GMDS: variants seen among roughly 807,000 people sequenced by gnomAD.
GMDS encodes GDP-mannose 4,6-dehydratase.
Under a neutral mutation model 49.9 loss-of-function variants are expected in GMDS, and 20 were observed. The observed-to-expected ratio is 0.40, with a 90% CI of 0.28 to 0.58. The LOEUF is 0.58. Among genes scored for constraint, GMDS ranks in the 20% least tolerant of loss-of-function variants. The pLI, the probability that GMDS is intolerant of heterozygous loss-of-function variation, is 0.42. For missense variants in GMDS, 362 were observed against 481.4 expected (o/e 0.75, Z 2.32); for synonymous variants, 177 against 178.6 (o/e 0.99, Z 0.07).
intron 6 of GMDS, among the ~76,000 whole-genome samples, chr6:1,954,182 A>G (rs879505608): frequency 2.0e-4 from 31 of 152,252 alleles, no homozygotes; most frequent in Non-Finnish European, 3.7e-4. Flanking sequence ...AACAATACAA[A>G]AGGAAAAAGC....
chr6:1,642,787 G>A (rs1308662177), intron 9 of GMDS, among the ~76,000 whole-genome samples: 1 of 152,192 alleles, frequency 6.6e-6, no homozygotes, highest in African/African-American at 2.4e-5. Context: ...AGGCAAGCTG[G>A]GCCTGGACGG....
chr6:1,897,357 T>C (rs545446915), intron 7 of GMDS, among the ~76,000 whole-genome samples: 6 of 152,304 alleles, frequency 3.9e-5, no homozygotes, highest in African/African-American at 1.4e-4. Flanking sequence ...CCAAATACGG[T>C]CACATTCTGA....
chr6:2,014,378 G>A (rs955888204), intron 4 of GMDS, among the ~76,000 whole-genome samples: 3 of 152,000 alleles, frequency 2.0e-5, no homozygotes, highest in African/African-American at 7.2e-5. Context: ...CAACATATGG[G>A]TGATTATAGT....
chr6:1,798,598 T>G (rs935493548), intron 7 of GMDS, among the ~76,000 whole-genome samples: 5 of 152,116 alleles, frequency 3.3e-5, no homozygotes, highest in African/African-American at 1.2e-4. Flanking sequence ...GCTCTGTAAT[T>G]CTGCCTAAAG....
At chr6:1,973,742 A>G (rs1193630357) in intron 4 of GMDS, among the ~76,000 whole-genome samples, 8 of 152,324 alleles carry the variant, frequency 5.3e-5, no homozygotes, top group Middle Eastern at 6.8e-3. Context: ...GTAGGAAGAG[A>G]GCAATAACCT....
At chr6:1,867,227 C>T (rs1758482578) in intron 7 of GMDS, among the ~76,000 whole-genome samples, 1 of 152,118 alleles carries the variant, frequency 6.6e-6, no homozygotes, top group African/African-American at 2.4e-5. Context: ...ACTGCATATT[C>T]TTATATGACA....
chr6:1,854,485 G>T (rs993567488), intron 7 of GMDS, among the ~76,000 whole-genome samples: 1 of 152,150 alleles, frequency 6.6e-6, no homozygotes, highest in Non-Finnish European at 1.5e-5. Context: ...TTTCCAACTG[G>T]GAGTGATTTT....
At chr6:1,876,297 C>A (rs1759057152) in intron 7 of GMDS, among the ~76,000 whole-genome samples, 1 of 152,026 alleles carries the variant, frequency 6.6e-6, no homozygotes, top group South Asian at 2.1e-4. Context: ...AGGACACTTT[C>A]TAACTATGTT....
At chr6:1,771,433 C>T (rs971458373) in intron 7 of GMDS, among the ~76,000 whole-genome samples, 1 of 152,174 alleles carries the variant, frequency 6.6e-6, no homozygotes, top group Non-Finnish European at 1.5e-5. Context: ...GATAACAATG[C>T]CTCCTTTGCA....
At chr6:2,142,623 A>T (rs1486495972) in intron 1 of GMDS, among the ~76,000 whole-genome samples, 1 of 152,096 alleles carries the variant, frequency 6.6e-6, no homozygotes, top group Non-Finnish European at 1.5e-5. Context: ...TTGATCATGG[A>T]CTTCCAGCCT....
intron 9 of GMDS, among the ~76,000 whole-genome samples, chr6:1,669,296 A>G (rs1764339300): frequency 6.6e-6 from 1 of 152,104 alleles, no homozygotes; most frequent in East Asian, 1.9e-4. Context: ...CCAAGCATGC[A>G]CTTCAGAGGA....
intron 7 of GMDS, among the ~76,000 whole-genome samples, chr6:1,745,006 A>G (rs1767425841): frequency 6.7e-6 from 1 of 149,802 alleles, no homozygotes; most frequent in Non-Finnish European, 1.5e-5. Context: ...CACACACAGA[A>G]ACTTATTTTG....
chr6:2,069,530 C>G (rs1248065056), intron 4 of GMDS, among the ~76,000 whole-genome samples: 1 of 151,872 alleles, frequency 6.6e-6, no homozygotes, highest in African/African-American at 2.4e-5. Flanking sequence ...TGACAAAGGG[C>G]TAATATCCAG....
At chr6:1,673,769 T>C (rs1025779539) in intron 9 of GMDS, among the ~76,000 whole-genome samples, 4 of 151,968 alleles carry the variant, frequency 2.6e-5, no homozygotes, top group African/African-American at 4.8e-5. Flanking sequence ...TCCCAGAATG[T>C]CATATAGCTG....
At chr6:2,123,397 A>G (rs1775249439) in intron 2 of GMDS, among the ~76,000 whole-genome samples, 1 of 152,226 alleles carries the variant, frequency 6.6e-6, no homozygotes, top group South Asian at 2.1e-4. Context: ...TCACAAGTGC[A>G]GCGATTTCTG....
chr6:2,112,083 T>C (rs9503098), intron 4 of GMDS, among the ~76,000 whole-genome samples: 5 of 152,196 alleles, frequency 3.3e-5, no homozygotes, highest in African/African-American at 9.7e-5. Flanking sequence ...GATCACAGCA[T>C]AAACAGTGGT....
At chr6:1,817,558 G>C (rs748092828) in intron 7 of GMDS, among the ~76,000 whole-genome samples, 8 of 152,146 alleles carry the variant, frequency 5.3e-5, no homozygotes, top group Non-Finnish European at 7.4e-5. Context: ...TACAGAAGTA[G>C]TTATGGTTTA....
At chr6:2,175,402 C>T (rs1423881445) in intron 1 of GMDS, among the ~76,000 whole-genome samples, 1 of 152,132 alleles carries the variant, frequency 6.6e-6, no homozygotes, top group Non-Finnish European at 1.5e-5. Context: ...TCCAAGAAGA[C>T]ATATGCCACC....
chr6:2,117,704 C>A (rs1424510251), intron 2 of GMDS, 148 bp from the exon 3 acceptor site: 2 of 603,552 alleles, frequency 3.3e-6, no homozygotes, highest in East Asian at 5.7e-5. Context: ...TCTCCCCAAC[C>A]ACTGTCCACC....
Sources: allele counts gnomAD v4.1 joint callset (sites outside exome capture counted in the v4.1 genomes callset), GRCh38; gene constraint gnomAD v4.1.1; transcripts MANE v1.5; gene names NCBI Gene and HGNC (gene_info 2026-07-23, HGNC 2026-07-21).